Variants in FLRT1 observed in about 807,000 individuals in gnomAD.
FLRT1 encodes the protein leucine-rich repeat transmembrane protein FLRT1.
In FLRT1, 14 loss-of-function variants were observed where a neutral mutation model predicts 30.9. The ratio of observed to expected loss-of-function variants is 0.45; its 90% CI spans 0.30 to 0.71. The LOEUF (loss-of-function observed/expected upper bound fraction) is 0.71. Ranked by LOEUF, FLRT1 falls within the 30% of genes least tolerant of loss-of-function variation. The pLI is 0.08. For synonymous variants in FLRT1, 368 were observed against 430.4 expected (o/e 0.85, Z 1.80); for missense variants, 737 against 949.2 (o/e 0.78, Z 2.94).
intron 1 of FLRT1, among the ~76,000 whole-genome samples, chr11:64,053,181 G>A (rs1312275754): frequency 6.6e-6 from 1 of 152,182 alleles, no homozygotes; most frequent in African/African-American, 2.4e-5. Flanking sequence ...TGGGCTTGGG[G>A]CCCTGGGGTG....
chr11:64,079,810 G>A (rs1171662182), intron 1 of FLRT1, among the ~76,000 whole-genome samples: 1 of 152,132 alleles, frequency 6.6e-6, no homozygotes, highest in Non-Finnish European at 1.5e-5. Flanking sequence ...GCTGGGTCTG[G>A]GGACCACTTG....
intron 1 of FLRT1, among the ~76,000 whole-genome samples, chr11:64,071,072 C>A (rs555008537): frequency 1.3e-5 from 2 of 152,164 alleles, no homozygotes; most frequent in Admixed American, 6.5e-5. Context: ...GGACACCAGG[C>A]CTTTGTCTCT....
intron 1 of FLRT1, among the ~76,000 whole-genome samples, chr11:64,072,774 T>A (rs914611771): frequency 6.6e-6 from 1 of 152,240 alleles, no homozygotes; most frequent in Non-Finnish European, 1.5e-5. Flanking sequence ...CTGGGGTTGA[T>A]CTCTGTCTTG....
chr11:64,110,960 G>A (rs572722123), intron 2 of FLRT1, among the ~76,000 whole-genome samples: 1 of 152,214 alleles, frequency 6.6e-6, no homozygotes, highest in African/African-American at 2.4e-5. Context: ...CCTTGGGGAG[G>A]GGGGCGGCAG....
At chr11:64,061,066 C>G (rs981844995) in intron 1 of FLRT1, among the ~76,000 whole-genome samples, 1 of 152,046 alleles carries the variant, frequency 6.6e-6, no homozygotes, top group South Asian at 2.1e-4. Flanking sequence ...GGCTTGGCGT[C>G]CCCCCCACTC....
chr11:64,084,714 T>G (rs1373435131), intron 1 of FLRT1, among the ~76,000 whole-genome samples: 1 of 152,192 alleles, frequency 6.6e-6, no homozygotes, highest in African/African-American at 2.4e-5. Context: ...CACGTGCCCG[T>G]GCTGCTTCGG....
intron 1 of FLRT1, among the ~76,000 whole-genome samples, chr11:64,062,740 A>G (rs1307113333): frequency 6.6e-6 from 1 of 152,142 alleles, no homozygotes; most frequent in African/African-American, 2.4e-5. Context: ...ACCCAGGCTG[A>G]GGCCCCAGAT....
At chr11:64,068,272 G>A (rs762327148) in intron 1 of FLRT1, among the ~76,000 whole-genome samples, 91 of 152,356 alleles carry the variant, frequency 6.0e-4, no homozygotes, top group Admixed American at 1.2e-3. Flanking sequence ...TGGGGAGCTG[G>A]TGGCAAGGCC....
intron 1 of FLRT1, among the ~76,000 whole-genome samples, chr11:64,043,771 G>A (rs1293067493): frequency 1.3e-5 from 2 of 152,034 alleles, no homozygotes; most frequent in African/African-American, 2.4e-5. Flanking sequence ...GGCTCAGGCA[G>A]GTAAAGTGAT....
intron 1 of FLRT1, among the ~76,000 whole-genome samples, chr11:64,072,077 C>T (rs1944119065): frequency 6.6e-6 from 1 of 152,230 alleles, no homozygotes; most frequent in African/African-American, 2.4e-5. Flanking sequence ...ATGATGTGAG[C>T]CCGAATCGAA....
chr11:64,038,256 G>C (rs1943420080), intron 1 of FLRT1, among the ~76,000 whole-genome samples: 1 of 152,226 alleles, frequency 6.6e-6, no homozygotes, highest in African/African-American at 2.4e-5. Flanking sequence ...TGGTGGCTGA[G>C]CCTGTGTCGC....
rs1325028191 is a variant in FLRT1 at position 64,119,050 on chromosome 11, CCTGT to C, written c.*761_*764del. On this transcript the variant is annotated 3_prime_UTR_variant, in exon 3 of 3. Coordinates refer to ENST00000682287, the MANE Select transcript of FLRT1 (RefSeq NM_013280.5). Reference sequence around the variant, plus strand: ...TGCCACCTGGAGGTGCATCTGTCTGCCTGTCTATCCCTGTCGCGGTGTCTCTAAG... The same window carrying C: ...TGCCACCTGGAGGTGCATCTGTCTGCCTATCCCTGTCGCGGTGTCTCTAAG... 5 of 167,400 alleles carry C rather than the reference CCTGT, an allele frequency of 3.0e-5. No individual in the cohort carries two copies. The highest frequency in any genetic ancestry group is 1.9e-4 in the East Asian group (1 of 5,330). The allele number at this position is 167,400 out of a possible 1,614,324, so 10.4% of individuals were successfully genotyped here. A position where few individuals can be genotyped will look rare whatever the true frequency, so the allele number is the denominator to read the frequency against.
At chr11:64,095,103 G>A (rs985027637) in intron 1 of FLRT1, among the ~76,000 whole-genome samples, 6 of 152,246 alleles carry the variant, frequency 3.9e-5, no homozygotes, top group Admixed American at 2.0e-4. Context: ...AGGCACTAAG[G>A]AAACCTCAGA....
intron 2 of FLRT1, among the ~76,000 whole-genome samples, chr11:64,113,417 C>CATGGATGGATGG (rs71045732): frequency 6.2e-5 from 9 of 144,824 alleles, no homozygotes; most frequent in South Asian, 2.2e-4. Flanking sequence ...CAGGTTGATG[C>CATGGATGGATGG]ATGGATGGAT....
intron 2 of FLRT1, among the ~76,000 whole-genome samples, chr11:64,108,745 G>A (rs1466379204): frequency 6.6e-6 from 1 of 152,214 alleles, no homozygotes; most frequent in Admixed American, 6.5e-5. Flanking sequence ...GCATGGCAAG[G>A]TTTAGGGGAG....
intron 1 of FLRT1, among the ~76,000 whole-genome samples, chr11:64,058,054 C>T (rs142930329): frequency 2.6e-5 from 4 of 152,338 alleles, no homozygotes; most frequent in East Asian, 1.9e-4. Context: ...ATGTAATCTG[C>T]GACACTGGGC....
intron 1 of FLRT1, among the ~76,000 whole-genome samples, chr11:64,046,586 T>A (rs1485295073): frequency 6.6e-6 from 1 of 152,164 alleles, no homozygotes; most frequent in Non-Finnish European, 1.5e-5. Flanking sequence ...AGTTTTGTTC[T>A]CGTCGCTCAG....
chr11:64,089,002 G>A (rs1221418303), intron 1 of FLRT1, among the ~76,000 whole-genome samples: 1 of 152,138 alleles, frequency 6.6e-6, no homozygotes, highest in Non-Finnish European at 1.5e-5. Flanking sequence ...GAGAGCCACC[G>A]AAGCCACTGG....
At position 64,067,465 on chromosome 11, in the gene FLRT1, T is replaced by G. The variant is rs572561380; in HGVS notation, c.-1038+31306T>G. ...GTGACAGCCAGCACAGACGCCCAGC[T>G]CAGATAACAGAAGGGAGGAGATAGG... is the stretch of plus-strand genomic sequence containing the variant. On this transcript the variant is annotated intron_variant, in intron 1 of 2. Coordinates refer to ENST00000682287, the MANE Select transcript of FLRT1 (RefSeq NM_013280.5). The surrounding 1 kb of genome is among the most constrained non-coding windows in gnomAD (Gnocchi z 4.6). Among the ~76,000 whole-genome samples the G allele has an allele frequency of 1.5e-3, 235 of 151,960 alleles. 1 individual carries two copies. The highest frequency in any genetic ancestry group is 5.4e-3 in the African/African-American group (222 of 41,430).
Sources: gnomAD v4.1 joint callset for allele counts (sites outside exome capture counted in the v4.1 genomes callset) on GRCh38, gnomAD v4.1.1 for gene constraint, Gnocchi (gnomAD v3.1) non-coding constraint, MANE v1.5 for transcripts, NCBI Gene and HGNC (gene_info 2026-07-23, HGNC 2026-07-21) for gene names.